The following MSRB3 variants were observed in gnomAD, a reference collection of about 807,000 sequenced individuals.
MSRB3 encodes methionine-R-sulfoxide reductase B3.
In MSRB3, 13 loss-of-function variants were observed where a neutral mutation model predicts 21.0. The observed-to-expected ratio is 0.62, with a 90% CI of 0.40 to 0.98. The LOEUF is 0.98. Among genes scored for constraint, MSRB3 ranks in the 50% least tolerant of loss-of-function variants. The pLI is 0.00. For synonymous variants in MSRB3, 87 were observed against 88.6 expected (o/e 0.98, Z 0.10); for missense variants, 199 against 230.3 (o/e 0.86, Z 0.88).
intron 6 of MSRB3, among the ~76,000 whole-genome samples, chr12:65,461,808 C>T (rs1198405426): frequency 6.6e-6 from 1 of 152,190 alleles, no homozygotes; most frequent in Non-Finnish European, 1.5e-5. Flanking sequence ...CTTTTTCTCT[C>T]ATACTCTTAC....
intron 2 of MSRB3, among the ~76,000 whole-genome samples, chr12:65,325,509 G>C (rs1874963089): frequency 6.6e-6 from 1 of 151,964 alleles, no homozygotes; most frequent in Non-Finnish European, 1.5e-5. Context: ...GCTCTATCTT[G>C]GTGGCCCGGA....
At chr12:65,327,082 G>A (rs553258184) in intron 3 of MSRB3, 148 bp downstream of exon 3, 3 of 675,798 alleles carry the variant, frequency 4.4e-6, no homozygotes, top group Admixed American at 4.6e-5. Context: ...GGTTAAAATG[G>A]TGTTGTTTAG....
intron 5 of MSRB3, among the ~76,000 whole-genome samples, chr12:65,399,894 T>A (rs1028766696): frequency 3.9e-5 from 6 of 152,236 alleles, no homozygotes; most frequent in African/African-American, 1.4e-4. Flanking sequence ...CTCTATGTGA[T>A]GGATTATGTT....
intron 5 of MSRB3, among the ~76,000 whole-genome samples, chr12:65,388,046 AT>A (rs1421545028): frequency 6.6e-6 from 1 of 152,192 alleles, no homozygotes; most frequent in Non-Finnish European, 1.5e-5. Context: ...AAAGAAACTA[AT>A]AATTTGTAAT....
intron 5 of MSRB3, chr12:65,418,782 G>T (rs1229160865): frequency 2.1e-6 from 2 of 968,092 alleles, no homozygotes; most frequent in Non-Finnish European, 3.3e-6. Flanking sequence ...CCACTGTCTG[G>T]CGGGTGGTGG....
chr12:65,287,053 CA>C (rs2136388870), intron 1 of MSRB3, among the ~76,000 whole-genome samples: 1 of 140,186 alleles, frequency 7.1e-6, no homozygotes, highest in Non-Finnish European at 1.6e-5. Flanking sequence ...AAAGCAAAAC[CA>C]AAAACCGAAA....
At chr12:65,281,031 G>C (rs982077207) in intron 1 of MSRB3, among the ~76,000 whole-genome samples, 3 of 151,972 alleles carry the variant, frequency 2.0e-5, no homozygotes, top group African/African-American at 7.3e-5. Flanking sequence ...GTTCGAGACC[G>C]GCCTGGTCAA....
At chr12:65,359,746 G>A (rs932895846) in intron 4 of MSRB3, among the ~76,000 whole-genome samples, 4 of 152,112 alleles carry the variant, frequency 2.6e-5, no homozygotes, top group Admixed American at 6.6e-5. Flanking sequence ...GTGATGAGGA[G>A]TAGGGAAGTA....
intron 6 of MSRB3, 90 bp downstream of exon 6, chr12:65,453,915 C>T (rs1035887519): frequency 3.5e-5 from 36 of 1,018,266 alleles, no homozygotes; most frequent in Non-Finnish European, 5.1e-5. Flanking sequence ...CGACTGGTCA[C>T]AAGAAGGACA....
At chr12:65,419,478 G>A in intron 5 of MSRB3, 3 of 742,716 alleles carry the variant, frequency 4.0e-6, no homozygotes, top group Non-Finnish European at 7.4e-6. Flanking sequence ...GCCCATAGAT[G>A]TCGCTCTCCA....
chr12:65,397,397 AACTTGCATTGCT>A (rs1181206381), intron 5 of MSRB3, among the ~76,000 whole-genome samples: 1 of 152,154 alleles, frequency 6.6e-6, no homozygotes, highest in African/African-American at 2.4e-5. Flanking sequence ...AGTAATAGCA[AACTTGCATTGCT>A]ACTTGTAATC....
At chr12:65,392,047 C>A (rs908191465) in intron 5 of MSRB3, among the ~76,000 whole-genome samples, 4 of 152,170 alleles carry the variant, frequency 2.6e-5, no homozygotes, top group Admixed American at 2.0e-4. Context: ...TTAAGCCAAA[C>A]CCTAACTTTG....
At chr12:65,392,698 C>T (rs1273144815) in intron 5 of MSRB3, among the ~76,000 whole-genome samples, 1 of 152,140 alleles carries the variant, frequency 6.6e-6, no homozygotes, top group African/African-American at 2.4e-5. Context: ...GAATCTCAGC[C>T]AAGTAGTTGC....
At chr12:65,355,281 G>A (rs1413714240) in intron 4 of MSRB3, among the ~76,000 whole-genome samples, 2 of 151,816 alleles carry the variant, frequency 1.3e-5, no homozygotes, top group Non-Finnish European at 2.9e-5. Flanking sequence ...CTTGCCTAGA[G>A]TAGGAGTTCA....
chr12:65,301,054 T>C (rs1592502786), intron 1 of MSRB3, among the ~76,000 whole-genome samples: 1 of 152,090 alleles, frequency 6.6e-6, no homozygotes, highest in Non-Finnish European at 1.5e-5. Flanking sequence ...AGTACCTAGC[T>C]CAGGGTTGAT....
intron 4 of MSRB3, among the ~76,000 whole-genome samples, chr12:65,354,194 A>G (rs543055789): frequency 1.1e-4 from 17 of 151,920 alleles, no homozygotes; most frequent in Admixed American, 2.6e-4. Context: ...GAATCTGACA[A>G]TTATGTGTCT....
At chr12:65,334,528 A>G (rs1176974642) in intron 4 of MSRB3, among the ~76,000 whole-genome samples, 1 of 151,272 alleles carries the variant, frequency 6.6e-6, no homozygotes, top group East Asian at 1.9e-4. Context: ...ACACAGAAAC[A>G]TGCATACACA....
intron 5 of MSRB3, among the ~76,000 whole-genome samples, chr12:65,452,909 C>T (rs1433558845): frequency 6.6e-6 from 1 of 152,148 alleles, no homozygotes; most frequent in African/African-American, 2.4e-5. Context: ...CTCAGTAACT[C>T]CAGACATATT....
chr12:65,395,241 C>T (rs12306433), intron 5 of MSRB3, among the ~76,000 whole-genome samples: 6,737 of 151,982 alleles, frequency 0.044, 497 homozygotes, highest in African/African-American at 0.15. Context: ...CTAAGGTGGA[C>T]GGATTACTCG....
Sources: gnomAD v4.1 joint callset for allele counts (sites outside exome capture counted in the v4.1 genomes callset) on GRCh38, gnomAD v4.1.1 for gene constraint, MANE v1.5 for transcripts, NCBI Gene and HGNC (gene_info 2026-07-23, HGNC 2026-07-21) for gene names.